The following AMOT variants were observed in gnomAD, a reference collection of about 807,000 sequenced individuals.
AMOT encodes the protein angiomotin.
A neutral mutation model predicts 67.0 loss-of-function variants in AMOT; 11 were observed. The observed-to-expected ratio is 0.16, with a 90% CI of 0.10 to 0.27. The LOEUF is 0.27. Among genes scored for constraint, AMOT ranks in the 10% least tolerant of loss-of-function variants. AMOT has a pLI of 1.00. For synonymous variants in AMOT, 326 were observed against 321.4 expected, an observed-to-expected ratio of 1.01 and a Z score of -0.15; for missense variants, 753 against 852.0, an observed-to-expected ratio of 0.88 and a Z score of 1.45.
chrX:112,839,063 GC>G (rs1359501060), intron 1 of AMOT, among the ~76,000 whole-genome samples: 1 of 112,041 alleles, frequency 8.9e-6, no homozygotes, highest in Non-Finnish European at 1.9e-5. Flanking sequence ...TAAAATTGTC[GC>G]CCTTCTCTAC....
chrX:112,805,849 G>A (rs1223050556), intron 7 of AMOT, among the ~76,000 whole-genome samples: 3 of 112,373 alleles, frequency 2.7e-5, no homozygotes, highest in Non-Finnish European at 5.6e-5. Flanking sequence ...AAGTTAGATG[G>A]AAAACATCAG....
chrX:112,784,846 G>C (rs756176312), intron 10 of AMOT, among the ~76,000 whole-genome samples: 3 of 112,013 alleles, frequency 2.7e-5, no homozygotes, highest in Non-Finnish European at 5.6e-5. Context: ...CTGAGCATAC[G>C]GTTTGTCACT....
At chrX:112,790,899 A>G (rs1933550187) in intron 9 of AMOT, 117 bp from the exon 10 acceptor site, 2 of 675,010 alleles carry the variant, frequency 3.0e-6, no homozygotes, top group African/African-American at 4.6e-5. Flanking sequence ...TCTGATTCAG[A>G]AAGAAGCAGG....
At chrX:112,780,580 G>A (rs1250628396) in intron 12 of AMOT, 1 of 322,149 alleles carries the variant, frequency 3.1e-6, no homozygotes, top group African/African-American at 2.6e-5. Flanking sequence ...GGTGCCACAT[G>A]GCAAAGGCCA....
intron 8 of AMOT, among the ~76,000 whole-genome samples, chrX:112,794,629 G>A (rs1004405142): frequency 8.9e-6 from 1 of 111,880 alleles, no homozygotes; most frequent in Non-Finnish European, 1.9e-5. Context: ...TCTTATCTAC[G>A]TGTAAAAAGG....
intron 1 of AMOT, among the ~76,000 whole-genome samples, chrX:112,836,491 A>C (rs989137643): frequency 7.2e-5 from 8 of 111,379 alleles, no homozygotes; most frequent in Admixed American, 1.9e-4. Flanking sequence ...CACAAAGTTA[A>C]GTCTTGGGTG....
At chrX:112,798,327 T>C (rs1044652259) in intron 8 of AMOT, among the ~76,000 whole-genome samples, 2 of 112,700 alleles carry the variant, frequency 1.8e-5, no homozygotes, top group Non-Finnish European at 3.8e-5. Context: ...GTGTACTCTA[T>C]TAAGCAGTCA....
At chrX:112,816,195 G>C (rs190015384) in intron 4 of AMOT, among the ~76,000 whole-genome samples, 2 of 111,839 alleles carry the variant, frequency 1.8e-5, no homozygotes, top group African/African-American at 3.2e-5. Flanking sequence ...GTTTGCTCAA[G>C]TCTAAACATT....
chrX:112,811,194 T>G (rs1569400398), intron 6 of AMOT, 55 bp downstream of exon 6: 1 of 1,194,876 alleles, frequency 8.4e-7, no homozygotes, highest in East Asian at 3.0e-5. Context: ...GCCCTTCCCT[T>G]CACCACCCTG....
chrX:112,798,614 A>C (rs962391381), intron 8 of AMOT, among the ~76,000 whole-genome samples: 1 of 112,400 alleles, frequency 8.9e-6, no homozygotes, highest in African/African-American at 3.2e-5. Context: ...GATTACATTC[A>C]AGAACAAAAA....
At chrX:112,782,813 G>A in intron 10 of AMOT, 151 bp from the exon 11 acceptor site, 3 of 717,631 alleles carry the variant, frequency 4.2e-6, no homozygotes, top group Non-Finnish European at 6.0e-6. Flanking sequence ...TAACCCGTAA[G>A]AGCCTCCAAA....
intron 8 of AMOT, among the ~76,000 whole-genome samples, chrX:112,801,335 G>A: frequency 9.0e-6 from 1 of 111,341 alleles, no homozygotes; most frequent in Admixed American, 9.6e-5. Flanking sequence ...TACGTGTCCC[G>A]AAAGAAAGAT....
At position 112,782,669 on chromosome X, in the gene AMOT, AG is replaced by A. The variant is rs754861893; in HGVS notation, c.2118-8del. 1 of 1,205,215 alleles carries A rather than the reference AG, an allele frequency of 8.3e-7. No homozygotes were observed. Among genetic ancestry groups the A allele is most frequent in the East Asian group, 3.0e-5 (1 of 33,699 alleles). On this transcript the variant is annotated splice_polypyrimidine_tract_variant and splice_region_variant and intron_variant, in intron 10 of 13. Transcript: ENST00000371959. ...ACTGATGACTGTTGTGTCCCTGGGGAGGAAAATGGAAGTGATGAGATGGGAG... is the reference window on the plus strand; with the variant it reads ...ACTGATGACTGTTGTGTCCCTGGGGAGAAAATGGAAGTGATGAGATGGGAG...
intron 7 of AMOT, 59 bp from the exon 8 acceptor site, chrX:112,805,151 A>C: frequency 8.5e-7 from 1 of 1,180,337 alleles, no homozygotes. Context: ...GCCTTACCTG[A>C]GCAAAATTGA....
chrX:112,789,287 C>A (rs757732013), intron 10 of AMOT, among the ~76,000 whole-genome samples: 3 of 111,729 alleles, frequency 2.7e-5, no homozygotes, highest in Non-Finnish European at 3.8e-5. Context: ...CTGCTTCTAA[C>A]CTGCCTACAA....
chrX:112,838,857 T>C (rs1036486583), intron 1 of AMOT, among the ~76,000 whole-genome samples: 1 of 112,304 alleles, frequency 8.9e-6, no homozygotes, highest in Admixed American at 9.4e-5. Flanking sequence ...AAATGAAGTA[T>C]GATGTAGTGC....
intron 2 of AMOT, among the ~76,000 whole-genome samples, chrX:112,829,542 T>C (rs1934933417): frequency 8.9e-6 from 1 of 112,086 alleles, no homozygotes; most frequent in Non-Finnish European, 1.9e-5. Flanking sequence ...GGTACTTCTT[T>C]ATAGCAATGC....
intron 1 of AMOT, among the ~76,000 whole-genome samples, chrX:112,833,475 T>G (rs1602845796): frequency 2.1e-5 from 1 of 47,497 alleles, no homozygotes; most frequent in Admixed American, 2.6e-4. Context: ...TTCCTGGGAG[T>G]AAAGGGGGGG....
At chrX:112,794,506 C>G (rs1933728152) in intron 8 of AMOT, among the ~76,000 whole-genome samples, 1 of 111,718 alleles carries the variant, frequency 9.0e-6, no homozygotes, top group Non-Finnish European at 1.9e-5. Flanking sequence ...TAAATGCCTA[C>G]TCTCTAGATA....
Sources: gnomAD v4.1 joint callset for allele counts (sites outside exome capture counted in the v4.1 genomes callset) on GRCh38, gnomAD v4.1.1 for gene constraint, MANE v1.5 for transcripts, NCBI Gene and HGNC (gene_info 2026-07-23, HGNC 2026-07-21) for gene names.